MARCHF1: variants seen among roughly 807,000 people sequenced by gnomAD.
MARCHF1 encodes membrane associated ring-CH-type finger 1, also known as E3 ubiquitin-protein ligase MARCHF1.
Under a neutral mutation model 54.2 loss-of-function variants are expected in MARCHF1, and 40 were observed. The ratio of observed to expected loss-of-function variants is 0.74; its 90% confidence interval spans 0.57 to 0.96. MARCHF1 has a LOEUF of 0.96. Among genes scored for constraint, MARCHF1 ranks in the 40% least tolerant of loss-of-function variants. MARCHF1 has a pLI of 0.00. For missense variants in MARCHF1, 586 were observed against 656.5 expected (o/e 0.89, Z 1.17); for synonymous variants, 236 against 236.3 (o/e 1.00, Z 0.01).
At chr4:163,929,175 T>C (rs1751600964) in intron 3 of MARCHF1, among the ~76,000 whole-genome samples, 1 of 152,032 alleles carries the variant, frequency 6.6e-6, no homozygotes, top group South Asian at 2.1e-4. Context: ...ATCTTGATAT[T>C]TAAAATTATG....
intron 3 of MARCHF1, among the ~76,000 whole-genome samples, chr4:163,950,346 G>C (rs1268868775): frequency 6.6e-6 from 1 of 152,232 alleles, no homozygotes; most frequent in South Asian, 2.1e-4. Flanking sequence ...GCTGCCTCGA[G>C]TGTGTGCACA....
intron 1 of MARCHF1, among the ~76,000 whole-genome samples, chr4:164,343,608 A>G (rs1729988999): frequency 6.6e-6 from 1 of 152,210 alleles, no homozygotes; most frequent in Admixed American, 6.5e-5. Context: ...ACAAGCAGCT[A>G]ACAACCATAT....
intron 1 of MARCHF1, among the ~76,000 whole-genome samples, chr4:164,245,406 A>G (rs1200122027): frequency 6.6e-6 from 1 of 152,254 alleles, no homozygotes; most frequent in African/African-American, 2.4e-5. Context: ...ACGATGCTTC[A>G]TGCTAAAAAC....
chr4:163,991,014 G>A (rs11730584), intron 2 of MARCHF1, among the ~76,000 whole-genome samples: 1,581 of 152,092 alleles, frequency 0.01, 12 homozygotes, highest in Non-Finnish European at 0.016. Context: ...TCCTTTGTTT[G>A]CTATGAGATT....
chr4:164,044,569 T>C (rs1012235679), intron 2 of MARCHF1, among the ~76,000 whole-genome samples: 1 of 147,492 alleles, frequency 6.8e-6, no homozygotes, highest in African/African-American at 2.5e-5. Context: ...CATATCAATA[T>C]CATAATTAAA....
At chr4:163,604,493 T>G (rs564893692) in intron 7 of MARCHF1, among the ~76,000 whole-genome samples, 1 of 152,258 alleles carries the variant, frequency 6.6e-6, no homozygotes, top group Admixed American at 6.6e-5. Context: ...CACTCTACCC[T>G]CTTCCTTGGG....
intron 3 of MARCHF1, chr4:163,933,243 G>T: frequency 1.4e-6 from 1 of 718,920 alleles, no homozygotes; most frequent in South Asian, 1.3e-5. Flanking sequence ...CAGCAGAAGG[G>T]GCTGAAACTA....
intron 3 of MARCHF1, among the ~76,000 whole-genome samples, chr4:163,863,516 C>G (rs1392056761): frequency 6.6e-6 from 1 of 151,940 alleles, no homozygotes; most frequent in Non-Finnish European, 1.5e-5. Context: ...AAAGCATATG[C>G]CATGTAATAA....
At chr4:164,185,372 T>C (rs1415732848) in intron 1 of MARCHF1, among the ~76,000 whole-genome samples, 1 of 152,228 alleles carries the variant, frequency 6.6e-6, no homozygotes, top group Non-Finnish European at 1.5e-5. Flanking sequence ...TTGCCATCAC[T>C]ATATCCAATA....
chr4:164,040,072 A>C (rs1754092533), intron 2 of MARCHF1, among the ~76,000 whole-genome samples: 1 of 146,110 alleles, frequency 6.8e-6, no homozygotes, highest in Non-Finnish European at 1.5e-5. Context: ...ATATATTAGT[A>C]TATATATGCA....
rs879313027 is a variant in MARCHF1, at chr4:163,637,691, C to T, written c.163-24298G>A. ...ATTGTGGAAGTCAGTGTGGTGATTCCTCAGGGATCTAGAACTAGAAATACC... is the reference window on the plus strand; with the variant it reads ...ATTGTGGAAGTCAGTGTGGTGATTCTTCAGGGATCTAGAACTAGAAATACC... On this transcript the variant is annotated intron_variant, in intron 5 of 9. Coordinates refer to ENST00000514618, the MANE Select transcript of MARCHF1 (RefSeq NM_001394959.1). 7.8e-3 allele frequency among the ~76,000 whole-genome samples: 1,171 copies of T among 150,956 alleles called. 18 individuals carry two copies. The highest frequency in any genetic ancestry group is 0.027 in the African/African-American group (1,109 of 41,176).
At chr4:163,541,099 C>A (rs77628853) in intron 9 of MARCHF1, among the ~76,000 whole-genome samples, 14,250 of 152,210 alleles carry the variant, frequency 0.094, 898 homozygotes, top group East Asian at 0.32. Flanking sequence ...CTAGCTCAAG[C>A]CAGTGTTTAT....
chr4:164,069,915 C>T (rs1444533512), intron 2 of MARCHF1, among the ~76,000 whole-genome samples: 1 of 152,102 alleles, frequency 6.6e-6, no homozygotes, highest in East Asian at 1.9e-4. Flanking sequence ...ACATATATAC[C>T]ATGGAATACT....
intron 8 of MARCHF1, among the ~76,000 whole-genome samples, chr4:163,552,662 C>T (rs1265830946): frequency 3.3e-5 from 5 of 152,136 alleles, no homozygotes; most frequent in Non-Finnish European, 4.4e-5. Context: ...ACTCAGGCCT[C>T]GTTGAATCCA....
chr4:163,732,342 A>G (rs1399924812), intron 4 of MARCHF1, among the ~76,000 whole-genome samples: 1 of 152,114 alleles, frequency 6.6e-6, no homozygotes. Context: ...TAGTGCAAAC[A>G]TTTAAAGTGA....
intron 4 of MARCHF1, among the ~76,000 whole-genome samples, chr4:163,785,199 T>A (rs1747581740): frequency 6.6e-5 from 10 of 152,122 alleles, no homozygotes. Flanking sequence ...CTTAACGTGA[T>A]TAAAATTTAA....
rs188603844 is a variant in MARCHF1, at chr4:164,232,731, T to G, written c.-322-121069A>C. Among the ~76,000 whole-genome samples, 46 of 152,278 alleles carry G rather than the reference T, an allele frequency of 3.0e-4. 1 individual carries two copies. The East Asian group carries it at 6.4e-3, about 21-fold the overall frequency. ...TTTATGTTATATTGAATTGTGACAG[T>G]AAAATAAATTATTCTTTGCTTGGCT... On this transcript the variant is annotated intron_variant, in intron 1 of 9. Coordinates refer to ENST00000514618, the MANE Select transcript of MARCHF1 (RefSeq NM_001394959.1).
intron 1 of MARCHF1, among the ~76,000 whole-genome samples, chr4:164,348,795 G>T (rs1258774769): frequency 6.6e-6 from 1 of 152,096 alleles, no homozygotes; most frequent in Non-Finnish European, 1.5e-5. Flanking sequence ...GGGGTGTTTG[G>T]TCAGTTCATC....
intron 4 of MARCHF1, chr4:163,828,999 G>T (rs1355192209): frequency 6.6e-6 from 1 of 152,232 alleles, no homozygotes; most frequent in African/African-American, 2.4e-5. Flanking sequence ...GTTCAGGAGA[G>T]ATTCACGAGG....
Sources: allele counts gnomAD v4.1 joint callset (sites outside exome capture counted in the v4.1 genomes callset), GRCh38; gene constraint gnomAD v4.1.1; transcripts MANE v1.5; gene names NCBI Gene and HGNC (gene_info 2026-07-23, HGNC 2026-07-21).